Variants in UQCC3 observed in about 807,000 individuals in gnomAD.
UQCC3 encodes ubiquinol-cytochrome c reductase complex assembly factor 3, also known as ubiquinol-cytochrome-c reductase complex assembly factor 3.
A neutral mutation model predicts 3.4 loss-of-function variants in UQCC3; 3 were observed. That is an observed-to-expected ratio of 0.88 (90% CI 0.40 to 2.26). The LOEUF (loss-of-function observed/expected upper bound fraction) is 2.26. Ranked by LOEUF, UQCC3 falls within the 30% of genes most tolerant of loss-of-function variation. The pLI is 0.05. For missense variants in UQCC3, 141 were observed against 123.0 expected (o/e 1.15, Z -0.69); for synonymous variants, 57 against 57.1 (o/e 1.00, Z 0.00).
At position 62,672,391 on chromosome 11, in the gene UQCC3, A is replaced by G; in HGVS notation, c.*277A>G. On this transcript the variant is annotated 3_prime_UTR_variant, in exon 2 of 2. Coordinates refer to ENST00000377953, the MANE Select transcript of UQCC3 (RefSeq NM_001085372.3). ...TTCCTCCACCCAGAATGAGCCCTGC[A>G]GTCGACACCTACCAATGCTTAGAGA... 2 of 491,662 alleles carry G rather than the reference A, an allele frequency of 4.1e-6. No homozygotes were observed. Among genetic ancestry groups the G allele is most frequent in the Non-Finnish European group, 7.4e-6 (2 of 271,118 alleles). 30.5% of individuals were successfully genotyped at this position (491,662 alleles called of 1,614,324 possible).
Position 62,672,232 on chromosome 11 carries a change from C to A in UQCC3, c.*118C>A, listed in dbSNP as rs960149489. 9.1e-7 allele frequency: 1 copy of A among 1,093,706 alleles called. No homozygotes were observed. The highest frequency in any genetic ancestry group is 1.3e-6 in the Non-Finnish European group (1 of 772,118). The allele number at this position is 1,093,706 out of a possible 1,614,324, so 67.8% of individuals were successfully genotyped here. A position where few individuals can be genotyped will look rare whatever the true frequency, so the allele number is the denominator to read the frequency against. On this transcript the variant is annotated 3_prime_UTR_variant, in exon 2 of 2. Transcript: ENST00000377953. Reference sequence around the variant, plus strand: ...ACCGAGATACCATGCCAGGACTCTCCGGGGTCCTGTGAGCTGCCGTCGGGT... The same window carrying A: ...ACCGAGATACCATGCCAGGACTCTCAGGGGTCCTGTGAGCTGCCGTCGGGT...
chr11:62,671,681 C>A lies in UQCC3; in HGVS notation c.-65C>A. ...AGCCTGCGCCAAGGGGTAGTGAGAC[C>A]GCGCGGCAACAGCTTGCGGCTGCGG... On this transcript the variant is annotated 5_prime_UTR_variant, in exon 1 of 2. Coordinates refer to ENST00000377953, the MANE Select transcript of UQCC3 (RefSeq NM_001085372.3). 6.3e-7 allele frequency: 1 copy of A among 1,596,304 alleles called. No homozygotes were observed. The highest frequency in any genetic ancestry group is 1.1e-5 in the South Asian group (1 of 89,736).
Position 62,671,749 on chromosome 11 carries a change from G to A in UQCC3, c.4G>A (p.Asp2Asn), listed in dbSNP as rs746041260. 6.2e-7 allele frequency: 1 copy of A among 1,613,658 alleles called. No homozygotes were observed. Among genetic ancestry groups the A allele is most frequent in the South Asian group, 1.1e-5 (1 of 91,080 alleles). M[D>N]SLRKMLISVA... ...TCCGCTGGCTGTGCAGGCGGCCATG[G>A]ATTCCTTGCGGAAAATGCTGATCTC... The change falls in exon 1 of 2, where the codon GAT (aspartate) becomes AAT (asparagine). Residue 2 changes from aspartate (D) to asparagine (N), a missense_variant. Asp to Asn is a conservative substitution (Grantham distance 23). Coordinates refer to ENST00000377953, the MANE Select transcript of UQCC3 (RefSeq NM_001085372.3).
Position 62,672,104 on chromosome 11 carries a change from G to C in UQCC3, c.272G>C (p.Arg91Thr). 4 of 1,578,758 alleles carry C rather than the reference G, an allele frequency of 2.5e-6. No individual in the cohort carries two copies. Among genetic ancestry groups the C allele is most frequent in the Non-Finnish European group, 3.4e-6 (4 of 1,163,222 alleles). The change falls in exon 2 of 2, where the codon AGG becomes ACG. Residue 91 changes from arginine (R) to threonine (T), a missense_variant. Arg to Thr is a moderately conservative substitution (Grantham distance 71, BLOSUM62 -1). Transcript: ENST00000377953. ...GGCGGCGAAGGCGGCGCCGGCGGGA[G>C]GTCACCGTGAGACCGGACTTGCCTC... is the stretch of plus-strand genomic sequence containing the variant. ...MVGGEGGAGG[R>T]SP is the part of the protein sequence containing the mutation.
At position 62,672,414 on chromosome 11, in the gene UQCC3, A is replaced by G; in HGVS notation, c.*300A>G. 2.4e-6 allele frequency: 1 copy of G among 422,654 alleles called. No individual in the cohort carries two copies. Among genetic ancestry groups the G allele is most frequent in the African/African-American group, 2.0e-5 (1 of 49,382 alleles). 26.2% of individuals were successfully genotyped at this position (422,654 alleles called of 1,614,324 possible). On this transcript the variant is annotated 3_prime_UTR_variant, in exon 2 of 2. Transcript: ENST00000377953. ...GCAGTCGACACCTACCAATGCTTAG[A>G]GACGCGTGGTCGGTGCTGGGGGCGC...
Position 62,672,504 on chromosome 11 carries a change from A to AT in UQCC3, c.*412dup, listed in dbSNP as rs35548045. ...CTGATCCCGATAGGTATCTGACCAC[A>AT]TTTTTTTTTTTTTTTTTTTTTTGAG... On this transcript the variant is annotated 3_prime_UTR_variant, in exon 2 of 2. Coordinates refer to ENST00000377953, the MANE Select transcript of UQCC3 (RefSeq NM_001085372.3). 0.013 allele frequency: 1,422 copies of AT among 109,818 alleles called. 24 individuals carry two copies. Among genetic ancestry groups the AT allele is most frequent in the African/African-American group, 0.027 (708 of 26,492 alleles). The allele number at this position is 109,818 out of a possible 1,614,324, so 6.8% of individuals were successfully genotyped here.
chr11:62,672,231 C>A lies in UQCC3; in HGVS notation c.*117C>A. 1.8e-6 allele frequency: 2 copies of A among 1,101,090 alleles called. No individual in the cohort carries two copies. Among genetic ancestry groups the A allele is most frequent in the Non-Finnish European group, 2.6e-6 (2 of 778,728 alleles). 68.2% of individuals were successfully genotyped at this position (1,101,090 alleles called of 1,614,324 possible). A position where few individuals can be genotyped will look rare whatever the true frequency, so the allele number is the denominator to read the frequency against. ...GACCGAGATACCATGCCAGGACTCT[C>A]CGGGGTCCTGTGAGCTGCCGTCGGG... On this transcript the variant is annotated 3_prime_UTR_variant, in exon 2 of 2. Transcript: ENST00000377953.
chr11:62,672,380 A>G lies in UQCC3; in HGVS notation c.*266A>G. On this transcript the variant is annotated 3_prime_UTR_variant, in exon 2 of 2. Transcript: ENST00000377953. Reference sequence around the variant, plus strand: ...ATAAAATCATGTTCCTCCACCCAGAATGAGCCCTGCAGTCGACACCTACCA... The same window carrying G: ...ATAAAATCATGTTCCTCCACCCAGAGTGAGCCCTGCAGTCGACACCTACCA... 2.0e-6 allele frequency: 1 copy of G among 511,382 alleles called. No homozygotes were observed. 31.7% of individuals were successfully genotyped at this position (511,382 alleles called of 1,614,324 possible).
In UQCC3 at chr11:62,673,510, G is replaced by A. The variant is rs1259819642; in HGVS notation, c.*1396G>A. The A allele has an allele frequency of 1.3e-5, 2 of 152,102 alleles. No individual in the cohort carries two copies. The highest frequency in any genetic ancestry group is 4.8e-5 in the African/African-American group (2 of 41,400). 9.4% of individuals were successfully genotyped at this position (152,102 alleles called of 1,614,324 possible). ...GTCCCCAATCTCTGGATCTGGTCAG[G>A]ATTTATTGGAGCTGCCACTGAGGGG... On this transcript the variant is annotated 3_prime_UTR_variant, in exon 2 of 2. Transcript: ENST00000377953.
Position 62,671,865 on chromosome 11 carries a change from G to C in UQCC3, c.120G>C (p.Lys40Asn), listed in dbSNP as rs1944951977. 2 of 1,614,086 alleles carry C rather than the reference G, an allele frequency of 1.2e-6. No individual in the cohort carries two copies. Among genetic ancestry groups the C allele is most frequent in the Middle Eastern group, 1.6e-4 (1 of 6,062 alleles). The change falls in exon 1 of 2, where the codon AAG (lysine) becomes AAC (asparagine). Residue 40 changes from lysine to asparagine, a missense_variant and splice_region_variant. Lys to Asn is a moderately conservative substitution (Grantham distance 94). Transcript: ENST00000377953. ...AGCGGCGGAAGCAGGAAATGCTAAA[G>C]GTAGAAGCAACTGGTAGTCCCGAGG... ...PGERRKQEML[K>N]EMPLQDPRSR...
chr11:62,672,354 A>C lies in UQCC3; in HGVS notation c.*240A>C. ...TCGGATGTGGTGAACTGAAAGAACC[A>C]ATAAAATCATGTTCCTCCACCCAGA... On this transcript the variant is annotated 3_prime_UTR_variant, in exon 2 of 2. Transcript: ENST00000377953. 2 of 567,900 alleles carry C rather than the reference A, an allele frequency of 3.5e-6. No homozygotes were observed. The highest frequency in any genetic ancestry group is 4.1e-5 in the South Asian group (2 of 48,970). The allele number at this position is 567,900 out of a possible 1,614,324, so 35.2% of individuals were successfully genotyped here. A position where few individuals can be genotyped will look rare whatever the true frequency, so the allele number is the denominator to read the frequency against.
rs1411765934 is a variant in UQCC3 at position 62,672,105 on chromosome 11, G to A, written c.273G>A (p.Arg91=). ...GCGGCGAAGGCGGCGCCGGCGGGAGGTCACCGTGAGACCGGACTTGCCTCC... is the reference window on the plus strand; with the variant it reads ...GCGGCGAAGGCGGCGCCGGCGGGAGATCACCGTGAGACCGGACTTGCCTCC... ...MVGGEGGAGG[R]SP The change falls in exon 2 of 2, where the codon AGG becomes AGA. Residue 91 remains arginine, a synonymous_variant. Transcript: ENST00000377953. 6.3e-7 allele frequency: 1 copy of A among 1,577,578 alleles called. No homozygotes were observed. Among genetic ancestry groups the A allele is most frequent in the Non-Finnish European group, 8.6e-7 (1 of 1,162,638 alleles).
rs1363708141 is a variant in UQCC3 at position 62,673,323 on chromosome 11, G to A, written c.*1209G>A. ...TTTCTGTGGCCATTATTTAACCTCT[G>A]GTTAAACAAGCTTAGGAGGCTGACT... On this transcript the variant is annotated 3_prime_UTR_variant, in exon 2 of 2. Transcript: ENST00000377953. 1 of 152,130 alleles carries A rather than the reference G, an allele frequency of 6.6e-6. No homozygotes were observed. The highest frequency in any genetic ancestry group is 6.6e-5 in the Admixed American group (1 of 15,256). 9.4% of individuals were successfully genotyped at this position (152,130 alleles called of 1,614,324 possible).
At chr11:62,671,917 A>G (rs780155837) in intron 1 of UQCC3, 36 bp from the exon 2 acceptor site, 3 of 1,613,062 alleles carry the variant, frequency 1.9e-6, no homozygotes, top group Non-Finnish European at 2.5e-6. Context: ...AGAGCCCCGG[A>G]CTGGAGCTCC....
At position 62,671,730 on chromosome 11, in the gene UQCC3, G is replaced by A; in HGVS notation, c.-16G>A. On this transcript the variant is annotated 5_prime_UTR_variant, in exon 1 of 2. Transcript: ENST00000377953. Reference sequence around the variant, plus strand: ...GGGGAGCTCCCGTGGGCGCTCCGCTGGCTGTGCAGGCGGCCATGGATTCCT... The same window carrying A: ...GGGGAGCTCCCGTGGGCGCTCCGCTAGCTGTGCAGGCGGCCATGGATTCCT... The A allele has an allele frequency of 6.2e-7, 1 of 1,612,380 alleles. No individual in the cohort carries two copies. The highest frequency in any genetic ancestry group is 8.5e-7 in the Non-Finnish European group (1 of 1,179,260).
chr11:62,671,912 C>T (rs1310692231), intron 1 of UQCC3, 41 bp from the exon 2 acceptor site: 1 of 1,613,070 alleles, frequency 6.2e-7, no homozygotes, highest in South Asian at 1.1e-5. Context: ...GGTGGAGAGC[C>T]CCGGACTGGA....
chr11:62,672,138 C>T lies in UQCC3; in HGVS notation c.*24C>T, dbSNP rs771047999. On this transcript the variant is annotated 3_prime_UTR_variant, in exon 2 of 2. Transcript: ENST00000377953. Reference sequence around the variant, plus strand: ...GAGACCGGACTTGCCTCCGTGGGCGCCGGACCTTGGCTTGGGCGCAGGAAT... The same window carrying T: ...GAGACCGGACTTGCCTCCGTGGGCGTCGGACCTTGGCTTGGGCGCAGGAAT... 6.4e-7 allele frequency: 1 copy of T among 1,551,166 alleles called. No individual in the cohort carries two copies. Among genetic ancestry groups the T allele is most frequent in the South Asian group, 1.2e-5 (1 of 84,892 alleles).
In UQCC3 at chr11:62,672,195, C is replaced by T. The variant is rs1944957902; in HGVS notation, c.*81C>T. 5 of 1,385,958 alleles carry T rather than the reference C, an allele frequency of 3.6e-6. No individual in the cohort carries two copies. The highest frequency in any genetic ancestry group is 4.9e-6 in the Non-Finnish European group (5 of 1,022,924). 85.9% of individuals were successfully genotyped at this position (1,385,958 alleles called of 1,614,324 possible). On this transcript the variant is annotated 3_prime_UTR_variant, in exon 2 of 2. Transcript: ENST00000377953. ...CAGCCTTTCTCCTTCGTGGGCCCAG[C>T]GGAGAGTCCGGACCGAGATACCATG...
rs772519592 is a variant in UQCC3 at position 62,671,945 on chromosome 11, G to A, written c.121-8G>A. On this transcript the variant is annotated splice_polypyrimidine_tract_variant and splice_region_variant and intron_variant, in intron 1 of 1. Coordinates refer to ENST00000377953, the MANE Select transcript of UQCC3 (RefSeq NM_001085372.3). ...GGAGCTCCTGCGAACTCCCCTTCCT[G>A]CCCTCAGGAGATGCCACTGCAGGAC... The A allele has an allele frequency of 4.3e-5, 69 of 1,613,786 alleles. 1 individual carries two copies. The highest frequency in any genetic ancestry group is 5.8e-5 in the Non-Finnish European group (68 of 1,179,954).
Sources: gnomAD v4.1 joint callset for allele counts on GRCh38, gnomAD v4.1.1 for gene constraint, MANE v1.5 for transcripts, NCBI Gene and HGNC (gene_info 2026-07-23, HGNC 2026-07-21) for gene names.